LETMD1: variants seen among roughly 807,000 people sequenced by gnomAD.
LETMD1 encodes the protein LETM1 domain containing 1.
In LETMD1, 30 loss-of-function variants were observed where a neutral mutation model predicts 43.9. That is an observed-to-expected ratio of 0.68 (90% CI 0.51 to 0.93). LETMD1 has a LOEUF of 0.93. Among genes scored for constraint, LETMD1 ranks in the 40% least tolerant of loss-of-function variants. The probability of loss-of-function intolerance (pLI) is 0.00; values close to 1 mark genes in which losing one functional copy is unlikely to be tolerated. For missense variants in LETMD1, 413 were observed against 447.7 expected, an observed-to-expected ratio of 0.92 and a Z score of 0.70; for synonymous variants, 176 against 163.1, an observed-to-expected ratio of 1.08 and a Z score of -0.60.
At position 51,056,565 on chromosome 12, in the gene LETMD1, C is replaced by T. The variant is rs750765739; in HGVS notation, c.915+63C>T. ...GTGTGCTTTTGAGCCTATGGCAGGCCGGAGGTTTACAGGGGCTCCTTGTCT... is the reference window on the plus strand; with the variant it reads ...GTGTGCTTTTGAGCCTATGGCAGGCTGGAGGTTTACAGGGGCTCCTTGTCT... On this transcript the variant is annotated intron_variant, in intron 7 of 8. Coordinates refer to ENST00000262055, the MANE Select transcript of LETMD1 (RefSeq NM_015416.5). 6.4e-5 allele frequency: 100 copies of T among 1,568,032 alleles called. No homozygotes were observed. In the Admixed American group the frequency reaches 9.3e-4, roughly 15 times the overall value.
the LETMD1 span, chr12:51,067,673 C>T: frequency 6.2e-7 from 1 of 1,612,932 alleles, no homozygotes; most frequent in Non-Finnish European, 8.5e-7. This position sits in a 1 kb window ranked among gnomAD's most constrained non-coding sequence, Gnocchi z 4.1. Flanking sequence ...TTGGACTGAC[C>T]TGGCATTTAA....
chr12:51,050,838 G>C (rs1945872378), intron 2 of LETMD1, among the ~76,000 whole-genome samples: 1 of 148,338 alleles, frequency 6.7e-6, no homozygotes, highest in Non-Finnish European at 1.5e-5. Flanking sequence ...ACATAGAGAA[G>C]CACCGTCTCT....
At chr12:51,060,842 C>T (rs568749351), downstream of LETMD1, among the ~76,000 whole-genome samples, 1 of 143,942 alleles carries the variant, frequency 6.9e-6, no homozygotes, top group Admixed American at 7.3e-5. Context: ...GCGGAGCTTG[C>T]AGTGAGCCGA....
At chr12:51,048,979 C>T in intron 1 of LETMD1, 55 bp from the exon 2 acceptor site, 2 of 1,509,854 alleles carry the variant, frequency 1.3e-6, no homozygotes, top group Non-Finnish European at 1.8e-6. Context: ...GGACTCAAGG[C>T]GTGAGGGAGC....
downstream of LETMD1, chr12:51,064,636 G>A (rs777016214): frequency 3.3e-6 from 5 of 1,533,738 alleles, no homozygotes; most frequent in Admixed American, 2.1e-5. Context: ...CAGCCATCCC[G>A]GGAGCAGCCA....
At chr12:51,061,605 TGA>T (rs376346945), downstream of LETMD1, 8 of 152,762 alleles carry the variant, frequency 5.2e-5, no homozygotes, top group African/African-American at 1.9e-4. Context: ...GGGATCAGTG[TGA>T]GTCACAACTG....
chr12:51,058,879 C>T (rs56060103), intron 8 of LETMD1: 23,190 of 167,106 alleles, frequency 0.14, 2,118 homozygotes, highest in East Asian at 0.48. Flanking sequence ...GGATTGTCCC[C>T]GTTGAGAAGT....
At chr12:51,052,276 T>C in intron 3 of LETMD1, 69 bp downstream of exon 3, 2 of 1,573,988 alleles carry the variant, frequency 1.3e-6, no homozygotes, top group African/African-American at 1.4e-5. Context: ...ATCTCAAGGT[T>C]TTTTCTTTCA....
downstream of LETMD1, chr12:51,063,552 A>G (rs922421150): frequency 1.7e-4 from 77 of 465,192 alleles, no homozygotes; most frequent in Non-Finnish European, 2.6e-4. Flanking sequence ...CCCCAGATCA[A>G]GGTAGGGCTG....
chr12:51,049,474 GC>G (rs1945325493), intron 2 of LETMD1: 1 of 315,030 alleles, frequency 3.2e-6, no homozygotes, highest in Admixed American at 4.4e-5. Flanking sequence ...GAAATTTTTT[GC>G]CTTGCACACG....
At chr12:51,063,976 C>T, downstream of LETMD1, 1 of 1,613,698 alleles carries the variant, frequency 6.2e-7, no homozygotes, top group Non-Finnish European at 8.5e-7. Context: ...CAGAGGGCAG[C>T]TGGGTCTGTG....
chr12:51,059,335 C>A, intron 8 of LETMD1, 26 bp from the exon 9 acceptor site: 2 of 1,610,968 alleles, frequency 1.2e-6, no homozygotes, highest in Non-Finnish European at 1.7e-6. Context: ...TGTTCCCAAG[C>A]CAAACCACTA....
chr12:51,052,703 C>A (rs909081391), intron 3 of LETMD1, among the ~76,000 whole-genome samples: 6 of 151,892 alleles, frequency 4.0e-5, no homozygotes, highest in African/African-American at 1.4e-4. Flanking sequence ...ATCGTTTGAA[C>A]CCGGGAGGCA....
chr12:51,054,118 A>G (rs985195775), intron 4 of LETMD1, among the ~76,000 whole-genome samples: 3 of 151,788 alleles, frequency 2.0e-5, no homozygotes, highest in African/African-American at 7.3e-5. Flanking sequence ...TAAGATAGTG[A>G]CCTTCTCCAT....
At chr12:51,060,969 G>A (rs1336221411), downstream of LETMD1, among the ~76,000 whole-genome samples, 1 of 150,648 alleles carries the variant, frequency 6.6e-6, no homozygotes, top group Non-Finnish European at 1.5e-5. Flanking sequence ...ACAGGGCTAA[G>A]CTCCAACAGA....
downstream of LETMD1, among the ~76,000 whole-genome samples, chr12:51,064,881 A>C (rs1216807126): frequency 2.0e-5 from 3 of 152,180 alleles, no homozygotes; most frequent in African/African-American, 7.2e-5. Context: ...CTCAGCCATT[A>C]ATTAGTGGTG....
chr12:51,052,182 A>G lies in LETMD1; in HGVS notation c.365A>G (p.Tyr122Cys), dbSNP rs1186904017. ...KHNIKFHQLPYREMEHLRQFR... is the reference protein window; with the variant it reads ...KHNIKFHQLPCREMEHLRQFR... The stretch of plus-strand genomic sequence containing the variant: ...AATATAAAGTTTCATCAACTTCCAT[A>G]CCGGGAGATGGAGCATTTGAGACAG... Residue 122 changes from tyrosine (Y) to cysteine (C), a missense_variant, in exon 3 of 9, where the codon TAC (tyrosine) becomes TGC (cysteine). Transcript: ENST00000262055. The G allele has an allele frequency of 6.2e-7, 1 of 1,613,730 alleles. No individual in the cohort carries two copies. The highest frequency in any genetic ancestry group is 8.5e-7 in the Non-Finnish European group (1 of 1,179,704).
chr12:51,051,982 G>A (rs1946305844), intron 2 of LETMD1, 110 bp from the exon 3 acceptor site: 2 of 899,308 alleles, frequency 2.2e-6, no homozygotes, highest in South Asian at 1.9e-5. Flanking sequence ...TTTGAGTATC[G>A]TTGGGGAGGG....
downstream of LETMD1, chr12:51,061,717 T>G (rs559338795): frequency 6.6e-6 from 1 of 152,314 alleles, no homozygotes; most frequent in East Asian, 1.9e-4. Flanking sequence ...AGATTCATAT[T>G]CCTGGTTTGA....
Sources: gnomAD v4.1 joint callset for allele counts (sites outside exome capture counted in the v4.1 genomes callset) on GRCh38, gnomAD v4.1.1 for gene constraint, Gnocchi (gnomAD v3.1) non-coding constraint, MANE v1.5 for transcripts, NCBI Gene and HGNC (gene_info 2026-07-23, HGNC 2026-07-21) for gene names.